Variants in CDC14A observed in about 807,000 individuals in gnomAD.
CDC14A encodes cell division cycle 14A, also known as dual specificity protein phosphatase CDC14A.
In CDC14A, 53 loss-of-function variants were observed where a neutral mutation model predicts 74.4. The ratio of observed to expected loss-of-function variants is 0.71; its 90% CI spans 0.57 to 0.89. The LOEUF is 0.89. Among genes scored for constraint, CDC14A ranks in the 40% least tolerant of loss-of-function variants. The pLI is 0.00. For synonymous variants in CDC14A, 247 were observed against 258.4 expected (o/e 0.96, Z 0.43); for missense variants, 646 against 713.7 (o/e 0.91, Z 1.08).
chr1:100,367,859 C>T (rs1321710725), intron 2 of CDC14A, among the ~76,000 whole-genome samples: 1 of 152,142 alleles, frequency 6.6e-6, no homozygotes, highest in Non-Finnish European at 1.5e-5. Context: ...AAAAGAGAGG[C>T]ATAACTTCTT....
chr1:100,473,056 C>G (rs1297337758), intron 10 of CDC14A, among the ~76,000 whole-genome samples: 1 of 151,824 alleles, frequency 6.6e-6, no homozygotes, highest in African/African-American at 2.4e-5. Flanking sequence ...CTTTCTTTTC[C>G]TTTTCATATA....
chr1:100,472,410 A>G (rs921185598), intron 10 of CDC14A, among the ~76,000 whole-genome samples: 1 of 152,124 alleles, frequency 6.6e-6, no homozygotes, highest in African/African-American at 2.4e-5. Flanking sequence ...TTTTTAAGTG[A>G]TAACTTGCTT....
chr1:100,412,693 G>GTTTTATATATATATATATATATATATA (rs1660868457), intron 4 of CDC14A, among the ~76,000 whole-genome samples: 1 of 52,422 alleles, frequency 1.9e-5, no homozygotes, highest in Non-Finnish European at 3.0e-5. Flanking sequence ...CTTCCTGTAT[G>GTTTTATATATATATATATATATATATA]TTTTATATAT....
chr1:100,346,999 C>T (rs1650484685), intron 1 of CDC14A, among the ~76,000 whole-genome samples: 1 of 152,142 alleles, frequency 6.6e-6, no homozygotes, highest in Admixed American at 6.5e-5. Flanking sequence ...ATAGCAATGG[C>T]AGATAATGCA....
rs143151593 is a variant in CDC14A at position 100,420,526 on chromosome 1, T to C, written c.310-3696T>C. Among the ~76,000 whole-genome samples the C allele has an allele frequency of 4.6e-4, 70 of 152,296 alleles. 1 individual carries two copies. Among genetic ancestry groups the C allele is most frequent in the African/African-American group, 1.7e-3 (70 of 41,562 alleles). ...AAATTAGTACAGACTTGATATTTGT[T>C]ACATTGTTTCTCACGGTGTAGTAAA... On this transcript the variant is annotated intron_variant, in intron 4 of 15. Coordinates refer to ENST00000336454, the MANE Select transcript of CDC14A (RefSeq NM_003672.4).
chr1:100,490,618 T>C lies in CDC14A; in HGVS notation c.1138-4200T>C, dbSNP rs181867932. ...TCAGACCACTGTATAGCCGCTTAAA[T>C]GTGTCCCTCCCCCGAGTCTTGACCT... On this transcript the variant is annotated intron_variant, in intron 11 of 15. Coordinates refer to ENST00000336454, the MANE Select transcript of CDC14A (RefSeq NM_003672.4). 2.1e-3 allele frequency among the ~76,000 whole-genome samples: 323 copies of C among 152,312 alleles called. 3 individuals carry two copies. Among genetic ancestry groups the C allele is most frequent in the Non-Finnish European group, 1.1e-3 (77 of 68,030 alleles).
chr1:100,382,211 CTTTTTT>C (rs557184435), intron 3 of CDC14A, among the ~76,000 whole-genome samples: 1 of 105,160 alleles, frequency 9.5e-6, no homozygotes. Context: ...TTCCTCTATT[CTTTTTT>C]TTTTTTTTTT....
At chr1:100,420,031 T>TACACACACACACAC (rs368385925) in intron 4 of CDC14A, among the ~76,000 whole-genome samples, 3 of 82,870 alleles carry the variant, frequency 3.6e-5, no homozygotes, top group Admixed American at 1.4e-4. Context: ...TATACATATA[T>TACACACACACACAC]ACACACACAC....
chr1:100,356,469 A>G (rs1263248274), intron 2 of CDC14A, among the ~76,000 whole-genome samples: 1 of 149,534 alleles, frequency 6.7e-6, no homozygotes, highest in Non-Finnish European at 1.5e-5. Flanking sequence ...AAACCAAGTC[A>G]TCTAGTTGCA....
chr1:100,484,512 T>C lies in CDC14A; in HGVS notation c.1137+61T>C, dbSNP rs1248903033. On this transcript the variant is annotated intron_variant, in intron 11 of 15. Transcript: ENST00000336454. ...CTGATGTTCTGCATTTGTTTCTCAG[T>C]TGGACCTATATAACATAGCAGTGTC... The C allele has an allele frequency of 3.9e-6, 6 of 1,530,440 alleles. No homozygotes were observed. In the African/African-American group the frequency reaches 7.0e-5, roughly 18 times the overall value. 94.8% of individuals were successfully genotyped at this position (1,530,440 alleles called of 1,614,324 possible).
At chr1:100,496,313 G>GA (rs1265650642) in intron 13 of CDC14A, among the ~76,000 whole-genome samples, 68 of 151,952 alleles carry the variant, frequency 4.5e-4, no homozygotes, top group African/African-American at 1.5e-3. Flanking sequence ...CATTGTGGAG[G>GA]GGGGTCTCTA....
rs545955882 is a variant in CDC14A, at chr1:100,425,214, A to C, written c.389+913A>C. Among the ~76,000 whole-genome samples the C allele has an allele frequency of 2.0e-5, 3 of 152,266 alleles. No homozygotes were observed. In the South Asian group the frequency reaches 6.2e-4, roughly 32 times the overall value. ...CATACAGTAGAAGGGACCATACATC[A>C]AAACTCCCATAACACTTACCTCTGC... On this transcript the variant is annotated intron_variant, in intron 5 of 15. Coordinates refer to ENST00000336454, the MANE Select transcript of CDC14A (RefSeq NM_003672.4).
intron 5 of CDC14A, among the ~76,000 whole-genome samples, chr1:100,431,828 C>G (rs1159003225): frequency 6.7e-6 from 1 of 150,362 alleles, no homozygotes; most frequent in East Asian, 1.9e-4. Flanking sequence ...AGAATGAGTC[C>G]CTGTCTCTGA....
At chr1:100,493,697 G>A (rs1361494064) in intron 11 of CDC14A, among the ~76,000 whole-genome samples, 2 of 152,186 alleles carry the variant, frequency 1.3e-5, no homozygotes, top group Non-Finnish European at 2.9e-5. Context: ...TTCTTTAAGG[G>A]ATTGCCTCTA....
At chr1:100,483,805 T>C (rs1470793904) in intron 10 of CDC14A, among the ~76,000 whole-genome samples, 1 of 152,170 alleles carries the variant, frequency 6.6e-6, no homozygotes, top group African/African-American at 2.4e-5. Context: ...TTTAAAGTTA[T>C]GTGTGAGGGC....
chr1:100,515,154 G>C (rs1349765455), intron 15 of CDC14A, among the ~76,000 whole-genome samples: 1 of 152,124 alleles, frequency 6.6e-6, no homozygotes, highest in Non-Finnish European at 1.5e-5. Context: ...GAGAGTACTT[G>C]TGTTTTTCCT....
At chr1:100,397,433 C>G (rs7512321) in intron 4 of CDC14A, among the ~76,000 whole-genome samples, 13,480 of 152,120 alleles carry the variant, frequency 0.089, 2,069 homozygotes, top group African/African-American at 0.31. Context: ...CTAAAACACT[C>G]TGATATGAGT....
At chr1:100,408,133 G>A (rs926295379) in intron 4 of CDC14A, among the ~76,000 whole-genome samples, 14 of 152,072 alleles carry the variant, frequency 9.2e-5, no homozygotes, top group African/African-American at 3.1e-4. Context: ...TGTTCTCATC[G>A]TTTAGTTCCA....
At chr1:100,457,068 C>A (rs1422770538) in intron 8 of CDC14A, among the ~76,000 whole-genome samples, 1 of 152,102 alleles carries the variant, frequency 6.6e-6, no homozygotes, top group African/African-American at 2.4e-5. Flanking sequence ...CTGACTCAGG[C>A]CCAGGAAATG....
Sources: gnomAD v4.1 joint callset for allele counts (sites outside exome capture counted in the v4.1 genomes callset) on GRCh38, gnomAD v4.1.1 for gene constraint, MANE v1.5 for transcripts, NCBI Gene and HGNC (gene_info 2026-07-23, HGNC 2026-07-21) for gene names.